Variants in KIF6 observed in about 807,000 individuals in gnomAD.
KIF6 encodes kinesin-like protein KIF6.
KIF6 carries 106 observed loss-of-function variants against 112.7 expected under a neutral mutation model. The ratio of observed to expected loss-of-function variants is 0.94; its 90% CI spans 0.80 to 1.11. The LOEUF is 1.11. KIF6 is among the 50% of genes least tolerant of loss of function. The probability of loss-of-function intolerance (pLI) is 0.00; values close to 1 mark genes in which losing one functional copy is unlikely to be tolerated. For synonymous variants in KIF6, 339 were observed against 339.9 expected (o/e 1.00, Z 0.03); for missense variants, 929 against 964.0 (o/e 0.96, Z 0.48).
At chr6:39,408,458 G>A (rs113990953) in intron 15 of KIF6, among the ~76,000 whole-genome samples, 274 of 152,254 alleles carry the variant, frequency 1.8e-3, no homozygotes, top group African/African-American at 6.1e-3. Flanking sequence ...AAGGTGAAAT[G>A]TCTGTTACAA....
At chr6:39,503,660 C>T (rs2150496635) in intron 13 of KIF6, among the ~76,000 whole-genome samples, 1 of 152,012 alleles carries the variant, frequency 6.6e-6, no homozygotes, top group South Asian at 2.1e-4. Flanking sequence ...ACTGACCCCA[C>T]AGAAATATAA....
Position 39,593,943 on chromosome 6 carries a change from C to A in KIF6, c.846+2111G>T, listed in dbSNP as rs145237040. Among the ~76,000 whole-genome samples, 1,065 of 152,334 alleles carry A rather than the reference C, an allele frequency of 7.0e-3. 28 individuals are homozygous for A. Among genetic ancestry groups the A allele is most frequent in the Admixed American group, 0.062 (944 of 15,300 alleles). The stretch of plus-strand genomic sequence containing the variant: ...TAAAGATTACATCTTTAATTCATGT[C>A]TCCCTGCACTAGACCATGAGGTTTT... On this transcript the variant is annotated intron_variant, in intron 7 of 22. Coordinates refer to ENST00000287152, the MANE Select transcript of KIF6 (RefSeq NM_145027.6).
At chr6:39,353,923 C>A in intron 19 of KIF6, 1 of 568,576 alleles carries the variant, frequency 1.8e-6, no homozygotes, top group Non-Finnish European at 3.2e-6. Flanking sequence ...ATGCCCAGAC[C>A]CATGGGGGTG....
chr6:39,468,968 T>G (rs991756399), intron 13 of KIF6, among the ~76,000 whole-genome samples: 2 of 152,102 alleles, frequency 1.3e-5, no homozygotes, highest in African/African-American at 4.8e-5. Flanking sequence ...AAAGCTGTCC[T>G]GGAGTAATGA....
rs146963293 is a variant in KIF6 at position 39,433,598 on chromosome 6, T to G, written c.1646-2437A>C. Among the ~76,000 whole-genome samples, 320 of 152,380 alleles carry G rather than the reference T, an allele frequency of 2.1e-3. 2 individuals carry two copies. The highest frequency in any genetic ancestry group is 7.6e-3 in the African/African-American group (316 of 41,592). Reference sequence around the variant, plus strand: ...ACAAAGTATTCTGGAGTTGGAGTTCTTTGATTGTGGTGACCACAGGTGAAG... The same window carrying G: ...ACAAAGTATTCTGGAGTTGGAGTTCGTTGATTGTGGTGACCACAGGTGAAG... On this transcript the variant is annotated intron_variant, in intron 13 of 22. Coordinates refer to ENST00000287152, the MANE Select transcript of KIF6 (RefSeq NM_145027.6).
At chr6:39,467,018 G>A (rs1309418931) in intron 13 of KIF6, among the ~76,000 whole-genome samples, 2 of 152,208 alleles carry the variant, frequency 1.3e-5, no homozygotes, top group Non-Finnish European at 2.9e-5. Flanking sequence ...CCAGAGCAAT[G>A]GCTTAGAGAT....
chr6:39,638,923 G>A (rs1450042690), intron 4 of KIF6, among the ~76,000 whole-genome samples: 2 of 152,012 alleles, frequency 1.3e-5, no homozygotes, highest in Non-Finnish European at 2.9e-5. Flanking sequence ...ATACATAATG[G>A]CACAAAGCAC....
chr6:39,522,191 A>G (rs940467686), intron 13 of KIF6, among the ~76,000 whole-genome samples: 7 of 152,168 alleles, frequency 4.6e-5, no homozygotes, highest in African/African-American at 1.4e-4. Context: ...CACAATGTAA[A>G]TATCAGAGGG....
At chr6:39,357,586 T>C (rs958363928) in intron 18 of KIF6, among the ~76,000 whole-genome samples, 3 of 152,004 alleles carry the variant, frequency 2.0e-5, no homozygotes, top group South Asian at 2.1e-4. Flanking sequence ...GTAGCTGGGA[T>C]TATAGGCACC....
Position 39,639,529 on chromosome 6 carries a change from T to C in KIF6, c.399+81A>G, listed in dbSNP as rs1253622469. 4.4e-6 allele frequency: 5 copies of C among 1,137,776 alleles called. No individual in the cohort carries two copies. In the East Asian group the frequency reaches 1.3e-4, roughly 31 times the overall value. 70.5% of individuals were successfully genotyped at this position (1,137,776 alleles called of 1,614,324 possible). A position where few individuals can be genotyped will look rare whatever the true frequency, so the allele number is the denominator to read the frequency against. ...TATCATTTAGACACAATAAAATACATGTCATAATAAATTTCCTGCTTTCAG... is the reference window on the plus strand; with the variant it reads ...TATCATTTAGACACAATAAAATACACGTCATAATAAATTTCCTGCTTTCAG... On this transcript the variant is annotated intron_variant, in intron 4 of 22. Coordinates refer to ENST00000287152, the MANE Select transcript of KIF6 (RefSeq NM_145027.6).
intron 13 of KIF6, among the ~76,000 whole-genome samples, chr6:39,482,369 A>T (rs1290242021): frequency 1.3e-5 from 2 of 152,162 alleles, no homozygotes; most frequent in Non-Finnish European, 2.9e-5. Context: ...AGCTGTGAGG[A>T]CACTTGAGTT....
chr6:39,670,606 G>A (rs1049024639), intron 3 of KIF6, among the ~76,000 whole-genome samples: 1 of 152,066 alleles, frequency 6.6e-6, no homozygotes, highest in Admixed American at 6.5e-5. Context: ...GCAGACTCGG[G>A]GTGGGTGACA....
At chr6:39,696,714 A>G (rs989953942) in intron 3 of KIF6, among the ~76,000 whole-genome samples, 1 of 151,834 alleles carries the variant, frequency 6.6e-6, no homozygotes, top group Non-Finnish European at 1.5e-5. Context: ...TCAGGCTGTA[A>G]ATACTTTGAG....
intron 3 of KIF6, among the ~76,000 whole-genome samples, chr6:39,700,357 T>A (rs1296290731): frequency 3.9e-5 from 6 of 152,218 alleles, no homozygotes; most frequent in Non-Finnish European, 7.3e-5. Flanking sequence ...TTAAGGTAAA[T>A]TTCTGTAAAT....
chr6:39,470,918 A>C (rs940785376), intron 13 of KIF6, among the ~76,000 whole-genome samples: 1 of 152,176 alleles, frequency 6.6e-6, no homozygotes, highest in Non-Finnish European at 1.5e-5. Context: ...TTAATGGAAC[A>C]CCACAGAGCT....
chr6:39,430,973 G>A, intron 14 of KIF6, 80 bp downstream of exon 14: 2 of 715,018 alleles, frequency 2.8e-6, no homozygotes. Flanking sequence ...GGCAGATTAG[G>A]AAGGACAGAG....
chr6:39,432,078 C>T (rs1771200413), intron 13 of KIF6, among the ~76,000 whole-genome samples: 1 of 152,326 alleles, frequency 6.6e-6, no homozygotes, highest in East Asian at 1.9e-4. Flanking sequence ...AACAAACCCT[C>T]TTTTCACCAT....
intron 3 of KIF6, among the ~76,000 whole-genome samples, chr6:39,686,560 T>G (rs780264878): frequency 9.9e-5 from 15 of 152,134 alleles, no homozygotes; most frequent in Non-Finnish European, 1.9e-4. Context: ...CTGGCCAAAT[T>G]CCCTAGTTTG....
intron 16 of KIF6, among the ~76,000 whole-genome samples, chr6:39,379,808 G>T (rs1339797611): frequency 6.6e-6 from 1 of 152,232 alleles, no homozygotes; most frequent in Non-Finnish European, 1.5e-5. Context: ...AGTGCTAAGG[G>T]CAGTGCAGCG....
Sources: allele counts gnomAD v4.1 joint callset (sites outside exome capture counted in the v4.1 genomes callset), GRCh38; gene constraint gnomAD v4.1.1; transcripts MANE v1.5; gene names NCBI Gene and HGNC (gene_info 2026-07-23, HGNC 2026-07-21).